The following BANK1 variants were observed in gnomAD, a reference collection of about 807,000 sequenced individuals.
BANK1 encodes B-cell scaffold protein with ankyrin repeats.
In BANK1, 95 loss-of-function variants were observed where a neutral mutation model predicts 94.5. The ratio of observed to expected loss-of-function variants is 1.00; its 90% CI spans 0.85 to 1.19. BANK1 has a LOEUF of 1.19. Ranked by LOEUF, BANK1 falls within the 50% of genes most tolerant of loss-of-function variation. The probability of loss-of-function intolerance (pLI) is 0.00; values close to 1 mark genes in which losing one functional copy is unlikely to be tolerated. For synonymous variants in BANK1, 334 were observed against 308.4 expected, an observed-to-expected ratio of 1.08 and a Z score of -0.87; for missense variants, 987 against 932.2, an observed-to-expected ratio of 1.06 and a Z score of -0.77.
intron 1 of BANK1, among the ~76,000 whole-genome samples, chr4:101,798,289 T>C (rs1169979058): frequency 2.0e-5 from 3 of 152,146 alleles, no homozygotes; most frequent in Non-Finnish European, 2.9e-5. Flanking sequence ...CAGCTGAAGA[T>C]GTGGCATCAA....
chr4:101,998,249 A>G (rs189082508), intron 7 of BANK1, among the ~76,000 whole-genome samples: 1 of 152,214 alleles, frequency 6.6e-6, no homozygotes, highest in East Asian at 1.9e-4. Context: ...CTTAATCCTG[A>G]GTTCTAATTT....
chr4:101,917,917 C>A (rs1045432549), intron 6 of BANK1, 76 bp from the exon 7 acceptor site: 14 of 1,012,442 alleles, frequency 1.4e-5, no homozygotes, highest in Admixed American at 6.8e-5. Context: ...CTTTTAGGAG[C>A]AGATTGTGTT....
At chr4:102,069,826 C>T (rs1728700522) in intron 13 of BANK1, among the ~76,000 whole-genome samples, 2 of 152,116 alleles carry the variant, frequency 1.3e-5, no homozygotes, top group African/African-American at 4.8e-5. Flanking sequence ...AAATGAATCT[C>T]ACAAACATTA....
At chr4:101,857,507 C>T (rs1727719771) in intron 3 of BANK1, among the ~76,000 whole-genome samples, 1 of 152,164 alleles carries the variant, frequency 6.6e-6, no homozygotes, top group South Asian at 2.1e-4. Context: ...ATCTGCTCTG[C>T]AGCATTAACT....
chr4:102,040,755 T>G (rs1727676196), intron 10 of BANK1, among the ~76,000 whole-genome samples: 3 of 152,038 alleles, frequency 2.0e-5, no homozygotes, highest in Admixed American at 2.0e-4. Context: ...CACTTAAGAA[T>G]TTTTCCCAGC....
intron 7 of BANK1, among the ~76,000 whole-genome samples, chr4:102,015,598 T>A (rs1726668649): frequency 6.6e-6 from 1 of 152,134 alleles, no homozygotes; most frequent in Admixed American, 6.5e-5. Context: ...TAACAAAAGT[T>A]CTTTGGAGGA....
At chr4:101,916,943 A>G (rs1722847630) in intron 6 of BANK1, among the ~76,000 whole-genome samples, 1 of 152,046 alleles carries the variant, frequency 6.6e-6, no homozygotes, top group Admixed American at 6.6e-5. Flanking sequence ...GATTAAACAC[A>G]TGCTAAACGT....
intron 1 of BANK1, among the ~76,000 whole-genome samples, chr4:101,809,682 A>G (rs1302560400): frequency 6.6e-6 from 1 of 152,228 alleles, no homozygotes; most frequent in African/African-American, 2.4e-5. Context: ...GCTTTGACTC[A>G]TGGAGAAATC....
chr4:101,858,104 G>A (rs1727746101), intron 3 of BANK1, among the ~76,000 whole-genome samples: 1 of 152,150 alleles, frequency 6.6e-6, no homozygotes, highest in African/African-American at 2.4e-5. Flanking sequence ...AACTTGACCT[G>A]ATCTATTTTT....
intron 7 of BANK1, among the ~76,000 whole-genome samples, chr4:101,964,967 C>G (rs1193656735): frequency 7.1e-6 from 1 of 140,502 alleles, no homozygotes; most frequent in Non-Finnish European, 1.5e-5. Flanking sequence ...TTCCTGTGTC[C>G]ATGTGTTCTC....
At chr4:102,000,041 C>T (rs1726007974) in intron 7 of BANK1, among the ~76,000 whole-genome samples, 1 of 152,018 alleles carries the variant, frequency 6.6e-6, no homozygotes, top group Admixed American at 6.5e-5. Flanking sequence ...AAGAGATACC[C>T]GGGTGCAGTG....
At chr4:101,894,418 C>T (rs1721992550) in intron 5 of BANK1, among the ~76,000 whole-genome samples, 1 of 151,886 alleles carries the variant, frequency 6.6e-6, no homozygotes, top group African/African-American at 2.4e-5. Flanking sequence ...CACTTTATTA[C>T]TTGCACCCTG....
chr4:101,830,317 A>T, intron 2 of BANK1, 111 bp downstream of exon 2: 1 of 863,814 alleles, frequency 1.2e-6, no homozygotes, highest in Non-Finnish European at 1.7e-6. Flanking sequence ...TAGGAATAAG[A>T]AAAATGAGAG....
chr4:102,046,440 A>C (rs1470093886), intron 11 of BANK1, among the ~76,000 whole-genome samples: 1 of 152,134 alleles, frequency 6.6e-6, no homozygotes, highest in African/African-American at 2.4e-5. Context: ...CGATGTTATC[A>C]TGAGGGTTCC....
At chr4:101,936,452 AT>A (rs969778205) in intron 7 of BANK1, among the ~76,000 whole-genome samples, 109 of 150,466 alleles carry the variant, frequency 7.2e-4, no homozygotes, top group African/African-American at 2.5e-3. Context: ...ATGTTTGCAT[AT>A]ACTTTATATG....
At chr4:101,894,935 G>C (rs1245729119) in intron 5 of BANK1, among the ~76,000 whole-genome samples, 3 of 151,768 alleles carry the variant, frequency 2.0e-5, no homozygotes, top group African/African-American at 7.3e-5. Flanking sequence ...TTATTAAACT[G>C]CAAAATATAT....
At chr4:101,928,818 C>A (rs188299482) in intron 7 of BANK1, among the ~76,000 whole-genome samples, 128 of 151,780 alleles carry the variant, frequency 8.4e-4, no homozygotes, top group Non-Finnish European at 1.6e-3. Context: ...TGGAGAGCAG[C>A]GCCTGGCGCT....
chr4:102,005,637 A>G (rs564209369), intron 7 of BANK1, among the ~76,000 whole-genome samples: 3 of 152,234 alleles, frequency 2.0e-5, no homozygotes, highest in Admixed American at 2.0e-4. Context: ...GTTCGCTAAC[A>G]CCATTATTAT....
At chr4:101,852,810 A>T (rs1378464295) in intron 2 of BANK1, among the ~76,000 whole-genome samples, 1 of 152,058 alleles carries the variant, frequency 6.6e-6, no homozygotes, top group Non-Finnish European at 1.5e-5. Flanking sequence ...ATTCATAGAG[A>T]TAAATCTTTT....
Sources: gnomAD v4.1 joint callset for allele counts (sites outside exome capture counted in the v4.1 genomes callset) on GRCh38, gnomAD v4.1.1 for gene constraint, MANE v1.5 for transcripts, NCBI Gene and HGNC (gene_info 2026-07-23, HGNC 2026-07-21) for gene names.